Variants in ALDH1L1 observed in about 807,000 individuals in gnomAD.
The protein encoded by ALDH1L1 is cytosolic 10-formyltetrahydrofolate dehydrogenase.
In ALDH1L1, 68 loss-of-function variants were observed where a neutral mutation model predicts 101.1. That is an observed-to-expected ratio of 0.67 (90% confidence interval 0.55 to 0.82). The LOEUF is 0.82. Ranked by LOEUF, ALDH1L1 falls within the 40% of genes least tolerant of loss-of-function variation. ALDH1L1 has a pLI of 0.00. For missense variants in ALDH1L1, 1,087 were observed against 1,172.7 expected (o/e 0.93, Z 1.07); for synonymous variants, 486 against 470.8 (o/e 1.03, Z -0.42).
rs749495347 is a variant in ALDH1L1, at chr3:126,130,255, G to A, written c.1662C>T (p.Arg554=). ...TIPINQARPN[R]NLTLTRKEPV... is the part of the protein sequence containing the mutation. ...GCTCCTTCCTGGTCAAGGTCAGGTTGCGGTTGGGTCTGGCCTGGTTGATGG... is the reference window on the plus strand; with the variant it reads ...GCTCCTTCCTGGTCAAGGTCAGGTTACGGTTGGGTCTGGCCTGGTTGATGG... The change falls in exon 14 of 23, where the codon CGC becomes CGT. Residue 554 remains arginine (R), a synonymous_variant. Coordinates refer to ENST00000393434, the MANE Select transcript of ALDH1L1 (RefSeq NM_012190.4). The A allele has an allele frequency of 6.2e-7, 1 of 1,610,678 alleles. No individual in the cohort carries two copies. The highest frequency in any genetic ancestry group is 8.5e-7 in the Non-Finnish European group (1 of 1,178,356).
At chr3:126,113,329 AG>A (rs775000860) in intron 18 of ALDH1L1, among the ~76,000 whole-genome samples, 8 of 152,178 alleles carry the variant, frequency 5.3e-5, no homozygotes, top group Non-Finnish European at 8.8e-5. Context: ...GGTGGGTGAC[AG>A]GGCAGAGGGT....
In ALDH1L1 at chr3:126,136,751, G is replaced by C; in HGVS notation, c.1344+13C>G. The C allele has an allele frequency of 6.4e-7, 1 of 1,560,518 alleles. No homozygotes were observed. The highest frequency in any genetic ancestry group is 8.7e-7 in the Non-Finnish European group (1 of 1,151,598). ...TGGGGAATGTGGAGAAGGGGTGCTG[G>C]GCCTGCACTCACACTTCCATCGGTG... On this transcript the variant is annotated intron_variant, in intron 11 of 22. Coordinates refer to ENST00000393434, the MANE Select transcript of ALDH1L1 (RefSeq NM_012190.4).
chr3:126,164,628 C>T (rs1474619925), intron 1 of ALDH1L1, among the ~76,000 whole-genome samples: 4 of 152,218 alleles, frequency 2.6e-5, no homozygotes, highest in Non-Finnish European at 5.9e-5. Context: ...CATTGTTGGG[C>T]ACCTAAGTTG....
intron 1 of ALDH1L1, among the ~76,000 whole-genome samples, chr3:126,193,449 A>T (rs937538625): frequency 2.6e-4 from 40 of 152,170 alleles, no homozygotes; most frequent in Middle Eastern, 6.8e-3. Flanking sequence ...TTGTTTTTTT[A>T]AAAAAATCCC....
chr3:126,124,704 C>T (rs1472271890), intron 15 of ALDH1L1, among the ~76,000 whole-genome samples: 1 of 152,202 alleles, frequency 6.6e-6, no homozygotes, highest in Non-Finnish European at 1.5e-5. Context: ...GGCAGGGCTC[C>T]AGCCGGCCAG....
intron 16 of ALDH1L1, among the ~76,000 whole-genome samples, chr3:126,118,379 A>C (rs2080016562): frequency 6.6e-6 from 1 of 152,156 alleles, no homozygotes; most frequent in African/African-American, 2.4e-5. Context: ...AGGCAAAATG[A>C]GGTCATTGAG....
intron 1 of ALDH1L1, among the ~76,000 whole-genome samples, chr3:126,195,412 C>T (rs748893919): frequency 3.0e-4 from 46 of 152,156 alleles, no homozygotes; most frequent in Non-Finnish European, 6.3e-4. Flanking sequence ...ACACACTCAA[C>T]ACATATATAA....
intron 20 of ALDH1L1, among the ~76,000 whole-genome samples, 187 bp from the exon 21 acceptor site, chr3:126,107,433 T>G (rs538110837): frequency 6.6e-6 from 1 of 152,298 alleles, no homozygotes; most frequent in African/African-American, 2.4e-5. Flanking sequence ...TGTTCTTTGA[T>G]GTGGGTCTCA....
At chr3:126,130,369 C>T in intron 13 of ALDH1L1, 76 bp from the exon 14 acceptor site, 2 of 1,333,612 alleles carry the variant, frequency 1.5e-6, no homozygotes, top group Non-Finnish European at 2.0e-6. Flanking sequence ...AAGTCTCCAC[C>T]AGGGTCTCCA....
chr3:126,136,823 C>T lies in ALDH1L1; in HGVS notation c.1285G>A (p.Glu429Lys), dbSNP rs767602691. The change falls in exon 11 of 23, where the codon GAG (glutamate) becomes AAG (lysine). Residue 429 changes from glutamate to lysine, a missense_variant. This residue lies in a region of ALDH1L1 where 645 missense variants were observed against 637.0 expected (regional missense o/e 1.01). Coordinates refer to ENST00000393434, the MANE Select transcript of ALDH1L1 (RefSeq NM_012190.4). ...TTGGCGCCCTCGGCATCCACGAACT[C>T]CCCCCCAATGAAGAGCTGGTGGGGC... ...RMPHQLFIGG[E>K]FVDAEGAKTS... 9 of 1,608,118 alleles carry T rather than the reference C, an allele frequency of 5.6e-6. No homozygotes were observed. The South Asian group carries it at 8.9e-5, about 16-fold the overall frequency.
chr3:126,105,326 TG>T, intron 22 of ALDH1L1: 1 of 335,238 alleles, frequency 3.0e-6, no homozygotes. Flanking sequence ...CCCACCACTC[TG>T]GCCTCTCTGC....
intron 1 of ALDH1L1, among the ~76,000 whole-genome samples, chr3:126,195,783 T>C (rs2081578250): frequency 6.6e-6 from 1 of 152,070 alleles, no homozygotes; most frequent in South Asian, 2.1e-4. Context: ...TATGCAGCCA[T>C]AAAAAAGGAT....
intron 4 of ALDH1L1, 38 bp downstream of exon 4, chr3:126,157,305 T>C (rs2080930370): frequency 6.3e-7 from 1 of 1,586,394 alleles, no homozygotes. Context: ...TGAGGGTGCG[T>C]CGGGGCGGGC....
chr3:126,158,678 AC>A (rs1559963236), intron 2 of ALDH1L1, 39 bp from the exon 3 acceptor site: 1 of 1,580,016 alleles, frequency 6.3e-7, no homozygotes, highest in Admixed American at 1.7e-5. Flanking sequence ...CCTCTCCATA[AC>A]CCACCCACAC....
At chr3:126,163,203 C>A (rs999876889) in intron 1 of ALDH1L1, among the ~76,000 whole-genome samples, 1 of 152,064 alleles carries the variant, frequency 6.6e-6, no homozygotes, top group African/African-American at 2.4e-5. Flanking sequence ...TTCTTTGGAG[C>A]AATGTTTATT....
chr3:126,130,167 C>T (rs1192748250), intron 14 of ALDH1L1, 56 bp downstream of exon 14: 23 of 1,518,056 alleles, frequency 1.5e-5, no homozygotes, highest in Admixed American at 2.0e-5. Flanking sequence ...GCTACAGTTC[C>T]GTGTACTGCA....
At chr3:126,132,656 T>C (rs2080337774) in intron 12 of ALDH1L1, among the ~76,000 whole-genome samples, 1 of 152,190 alleles carries the variant, frequency 6.6e-6, no homozygotes, top group African/African-American at 2.4e-5. Flanking sequence ...ACGGACTCAA[T>C]GGGAAGCCGA....
At chr3:126,155,610 C>CAAGT in intron 4 of ALDH1L1, 107 bp from the exon 5 acceptor site, 10 of 907,926 alleles carry the variant, frequency 1.1e-5, no homozygotes, top group Non-Finnish European at 1.6e-5. Context: ...ACCAGACTTG[C>CAAGT]CTGGTACACA....
chr3:126,117,748 C>A (rs546722803), intron 17 of ALDH1L1, among the ~76,000 whole-genome samples: 2 of 152,204 alleles, frequency 1.3e-5, no homozygotes, highest in Non-Finnish European at 2.9e-5. Flanking sequence ...GAAATCCATG[C>A]GTGTTTTATA....
Sources: gnomAD v4.1 joint callset for allele counts (sites outside exome capture counted in the v4.1 genomes callset) on GRCh38, gnomAD v4.1.1 for gene constraint, gnomAD v4.1.1 regional missense constraint, MANE v1.5 for transcripts, NCBI Gene and HGNC (gene_info 2026-07-23, HGNC 2026-07-21) for gene names.